The following ANO1 variants were observed in gnomAD, a reference collection of about 807,000 sequenced individuals.
ANO1 encodes the protein anoctamin-1.
Under a neutral mutation model 124.0 loss-of-function variants are expected in ANO1, and 59 were observed. The observed-to-expected ratio is 0.48, with a 90% CI of 0.39 to 0.59. The LOEUF (loss-of-function observed/expected upper bound fraction) is 0.59, where lower values mean the gene tolerates loss of function less well. ANO1 is among the 20% of genes least tolerant of loss of function. The probability of loss-of-function intolerance (pLI) is 0.00; values close to 1 mark genes in which losing one functional copy is unlikely to be tolerated. For missense variants in ANO1, 1,059 were observed against 1,328.0 expected (o/e 0.80, Z 3.15); for synonymous variants, 529 against 532.0 (o/e 0.99, Z 0.08).
intron 1 of ANO1, among the ~76,000 whole-genome samples, chr11:70,033,371 T>A (rs78378696): frequency 0.045 from 6,876 of 152,292 alleles, 297 homozygotes; most frequent in Admixed American, 0.12. Flanking sequence ...CTTTCATTCA[T>A]GATTCACTTC....
intron 23 of ANO1, among the ~76,000 whole-genome samples, chr11:70,181,494 G>A (rs1033833638): frequency 2.6e-5 from 4 of 152,240 alleles, no homozygotes; most frequent in Non-Finnish European, 5.9e-5. Context: ...AGACAAAGGC[G>A]CGCAGGGCCC....
chr11:70,153,092 G>A lies in ANO1; in HGVS notation c.1389G>A (p.Leu463=). 1 of 1,607,872 alleles carries A rather than the reference G, an allele frequency of 6.2e-7. No individual in the cohort carries two copies. Among genetic ancestry groups the A allele is most frequent in the Non-Finnish European group, 8.5e-7 (1 of 1,177,142 alleles). ...GAGCTGAATACGAAGCCAGAGTCTT[G>A]GAGAAGTCTCTGAAGAAAGAGTCCA... is the stretch of plus-strand genomic sequence containing the variant. ...HPRAEYEARV[L]EKSLKKESRN... Residue 463 remains leucine (L), a synonymous_variant, in exon 14 of 26, where the codon TTG becomes TTA. Coordinates refer to ENST00000355303, the MANE Select transcript of ANO1 (RefSeq NM_018043.7).
chr11:70,008,283 G>T (rs1856529787), intron 1 of ANO1, among the ~76,000 whole-genome samples: 1 of 152,274 alleles, frequency 6.6e-6, no homozygotes, highest in South Asian at 2.1e-4. Flanking sequence ...TGCTTTGGTT[G>T]CCTGTGCCTG....
chr11:70,004,566 G>A (rs1299540542), intron 1 of ANO1, among the ~76,000 whole-genome samples: 2 of 152,220 alleles, frequency 1.3e-5, no homozygotes, highest in Admixed American at 6.5e-5. Flanking sequence ...TGGGGGCTAT[G>A]AGAATAAAGC....
At chr11:70,061,233 T>C (rs1857568747) in intron 1 of ANO1, among the ~76,000 whole-genome samples, 1 of 151,938 alleles carries the variant, frequency 6.6e-6, no homozygotes, top group South Asian at 2.1e-4. Context: ...AGCAGGATAG[T>C]GTCCTGCTGG....
intron 1 of ANO1, among the ~76,000 whole-genome samples, chr11:70,003,219 A>C (rs7101650): frequency 0.49 from 74,032 of 152,056 alleles, 19,292 homozygotes; most frequent in East Asian, 0.89. Flanking sequence ...GCAACTTACC[A>C]CCAAAATGGC....
Position 70,188,362 on chromosome 11 carries a change from C to T in ANO1, c.*358C>T. The T allele has an allele frequency of 4.0e-6, 1 of 250,660 alleles. No homozygotes were observed. The highest frequency in any genetic ancestry group is 7.7e-6 in the Non-Finnish European group (1 of 129,374). 15.5% of individuals were successfully genotyped at this position (250,660 alleles called of 1,614,324 possible). A position where few individuals can be genotyped will look rare whatever the true frequency, so the allele number is the denominator to read the frequency against. On this transcript the variant is annotated 3_prime_UTR_variant, in exon 26 of 26. Transcript: ENST00000355303. The stretch of plus-strand genomic sequence containing the variant: ...AGCAGAGGCCCGTAGAAACCCTCCT[C>T]TGAATCCTCCTAATTCCTTAAGATA...
At position 70,103,158 on chromosome 11, in the gene ANO1, G is replaced by A. The variant is rs369100980; in HGVS notation, c.534G>A (p.Thr178=). 1.6e-4 allele frequency: 253 copies of A among 1,609,508 alleles called. No homozygotes were observed. The highest frequency in any genetic ancestry group is 4.2e-4 in the East Asian group (19 of 44,784). Residue 178 remains threonine, a synonymous_variant, in exon 3 of 26, where the codon ACG becomes ACA. Coordinates refer to ENST00000355303, the MANE Select transcript of ANO1 (RefSeq NM_018043.7). ...EAEFLKLKMP[T]KKMYHINETR... ...AGTTTCTGAAACTGAAGATGCCGAC[G>A]AAGAAGGTTGGTGTTGATGGTCCTG...
intron 14 of ANO1, among the ~76,000 whole-genome samples, chr11:70,155,709 G>A (rs2047783361): frequency 1.3e-5 from 2 of 152,224 alleles, no homozygotes; most frequent in South Asian, 4.1e-4. Context: ...TGTTACAGAT[G>A]TTCTTTCCGA....
chr11:70,036,727 C>T (rs1555004465), intron 1 of ANO1, among the ~76,000 whole-genome samples: 1 of 152,216 alleles, frequency 6.6e-6, no homozygotes, highest in Non-Finnish European at 1.5e-5. Flanking sequence ...CCTGCCTCAG[C>T]CTCCCAAGTA....
the ANO1 span, among the ~76,000 whole-genome samples, chr11:69,980,655 T>C: frequency 1.3e-5 from 2 of 151,488 alleles, no homozygotes; most frequent in African/African-American, 2.4e-5. Flanking sequence ...TTGATGGCTG[T>C]GAGGATTGCA....
At chr11:70,098,671 G>A (rs2045120591) in intron 2 of ANO1, among the ~76,000 whole-genome samples, 1 of 152,290 alleles carries the variant, frequency 6.6e-6, no homozygotes, top group East Asian at 1.9e-4. Context: ...CTTTAGGGGT[G>A]CAAACCTTCA....
At chr11:70,013,375 A>T (rs530280594) in intron 1 of ANO1, among the ~76,000 whole-genome samples, 2 of 151,226 alleles carry the variant, frequency 1.3e-5, no homozygotes, top group Non-Finnish European at 2.9e-5. Flanking sequence ...GGGCCACACC[A>T]GGCTTGCCTT....
At position 70,169,832 on chromosome 11, in the gene ANO1, C is replaced by A. The variant is rs556570918; in HGVS notation, c.2198-1055C>A. ...ACATGCTAACAATGCCCACACTCAG[C>A]CCGCCAGGCACACGGTGACATTCTG... is the stretch of plus-strand genomic sequence containing the variant. On this transcript the variant is annotated intron_variant, in intron 21 of 25. Transcript: ENST00000355303. The A allele has an allele frequency of 3.0e-4, 67 of 225,538 alleles. 1 individual carries two copies. The South Asian group carries it at 3.5e-3, about 12-fold the overall frequency. 14.0% of individuals were successfully genotyped at this position (225,538 alleles called of 1,614,324 possible). A position where few individuals can be genotyped will look rare whatever the true frequency, so the allele number is the denominator to read the frequency against.
At chr11:70,011,082 A>G (rs1555001041) in intron 1 of ANO1, among the ~76,000 whole-genome samples, 1 of 152,216 alleles carries the variant, frequency 6.6e-6, no homozygotes, top group Non-Finnish European at 1.5e-5. Flanking sequence ...TGATATGTAG[A>G]AGAGTACAGG....
chr11:70,006,437 T>G (rs569254690), intron 1 of ANO1, among the ~76,000 whole-genome samples: 67 of 152,200 alleles, frequency 4.4e-4, no homozygotes, highest in Non-Finnish European at 2.4e-4. Context: ...GCTGACATGA[T>G]GCTTGCCCAC....
At chr11:70,041,450 AG>A (rs1424285457) in intron 1 of ANO1, among the ~76,000 whole-genome samples, 1 of 152,222 alleles carries the variant, frequency 6.6e-6, no homozygotes, top group African/African-American at 2.4e-5. Flanking sequence ...ACAACTATTT[AG>A]GCTGGGGGAA....
intron 21 of ANO1, among the ~76,000 whole-genome samples, chr11:70,168,908 G>A (rs1391713275): frequency 6.6e-6 from 1 of 152,136 alleles, no homozygotes; most frequent in East Asian, 1.9e-4. Flanking sequence ...ATTGACTCAG[G>A]AGGAGAGGAA....
chr11:69,991,539 A>G (rs1379926358), intron 1 of ANO1, among the ~76,000 whole-genome samples: 2 of 152,238 alleles, frequency 1.3e-5, no homozygotes, highest in Admixed American at 1.3e-4. Flanking sequence ...AGTGATGGGC[A>G]AGTACCAGTT....
Sources: allele counts gnomAD v4.1 joint callset (sites outside exome capture counted in the v4.1 genomes callset), GRCh38; gene constraint gnomAD v4.1.1; transcripts MANE v1.5; gene names NCBI Gene and HGNC (gene_info 2026-07-23, HGNC 2026-07-21).